Variants in DNAH14 observed in about 807,000 individuals in gnomAD.
The protein encoded by DNAH14 is axonemal beta dynein heavy chain 14.
DNAH14 carries 478 observed loss-of-function variants against 520.9 expected under a neutral mutation model. The ratio of observed to expected loss-of-function variants is 0.92; its 90% CI spans 0.85 to 0.99. The LOEUF is 0.99. DNAH14 is among the 50% of genes least tolerant of loss of function. The probability of loss-of-function intolerance (pLI) is 0.00; values close to 1 mark genes in which losing one functional copy is unlikely to be tolerated. For missense variants in DNAH14, 4,831 were observed against 5,234.5 expected, an observed-to-expected ratio of 0.92 and a Z score of 2.38; for synonymous variants, 1,581 against 1,757.2, an observed-to-expected ratio of 0.90 and a Z score of 2.51.
intron 37 of DNAH14, among the ~76,000 whole-genome samples, chr1:225,189,909 G>A (rs1228813669): frequency 6.6e-6 from 1 of 151,480 alleles, no homozygotes; most frequent in Non-Finnish European, 1.5e-5. Context: ...TGTAACATTT[G>A]GATTCCTTCT....
rs1202811050 is a variant in DNAH14, at chr1:225,392,352, C to A, written c.13392C>A (p.Leu4464=). Residue 4464 remains leucine, a synonymous_variant, in exon 84 of 86, where the codon CTC becomes CTA. Transcript: ENST00000682510. ...CCCGAGGAATCGCTGTGGATGCCCT[C>A]ACCTTCACCCACCATGTGATTTCCA... ...GRSRGIAVDA[L]TFTHHVISNT... is the part of the protein sequence containing the mutation. The A allele has an allele frequency of 1.9e-6, 3 of 1,552,222 alleles. No homozygotes were observed. In the African/African-American group the frequency reaches 4.1e-5, roughly 21 times the overall value.
At chr1:225,001,911 G>A (rs2063801522) in intron 8 of DNAH14, among the ~76,000 whole-genome samples, 1 of 151,566 alleles carries the variant, frequency 6.6e-6, no homozygotes, top group Non-Finnish European at 1.5e-5. Context: ...ATATAATTGG[G>A]GAGGGTTCTT....
intron 17 of DNAH14, among the ~76,000 whole-genome samples, chr1:225,054,078 G>A (rs115936152): frequency 0.025 from 3,785 of 152,258 alleles, 74 homozygotes; most frequent in Non-Finnish European, 0.036. Flanking sequence ...GCTCAGAGAC[G>A]TTAATGCCGG....
chr1:224,933,578 C>T (rs2058834063), intron 1 of DNAH14, among the ~76,000 whole-genome samples: 1 of 151,806 alleles, frequency 6.6e-6, no homozygotes, highest in African/African-American at 2.4e-5. Context: ...CCTATGTGGC[C>T]TTTGTTACTT....
intron 7 of DNAH14, among the ~76,000 whole-genome samples, chr1:224,972,876 A>T (rs1361171126): frequency 6.6e-6 from 1 of 152,212 alleles, no homozygotes; most frequent in Non-Finnish European, 1.5e-5. Flanking sequence ...TAAGCTGGTG[A>T]TGCCAGTACA....
intron 23 of DNAH14, among the ~76,000 whole-genome samples, chr1:225,106,765 C>G (rs2076089494): frequency 6.6e-6 from 1 of 152,098 alleles, no homozygotes; most frequent in Non-Finnish European, 1.5e-5. Flanking sequence ...ATTGGTTATT[C>G]TAGTTAGCCA....
intron 55 of DNAH14, 50 bp downstream of exon 55, chr1:225,290,132 C>CT: frequency 4.0e-6 from 5 of 1,240,454 alleles, no homozygotes; most frequent in Non-Finnish European, 5.2e-6. Context: ...ATCTATGTGG[C>CT]TACCCCCTCC....
At chr1:224,968,689 T>G in intron 6 of DNAH14, 70 bp from the exon 7 acceptor site, 1 of 994,910 alleles carries the variant, frequency 1.0e-6, no homozygotes, top group East Asian at 3.1e-5. Context: ...ATACAGGCTT[T>G]CTTAATTTCT....
intron 38 of DNAH14, among the ~76,000 whole-genome samples, chr1:225,198,747 T>G (rs2086457726): frequency 6.6e-6 from 1 of 152,190 alleles, no homozygotes; most frequent in South Asian, 2.1e-4. Flanking sequence ...TAGCTAGTAT[T>G]TTGTTAAAGA....
At chr1:225,340,914 A>G (rs1414527491) in intron 69 of DNAH14, among the ~76,000 whole-genome samples, 1 of 152,154 alleles carries the variant, frequency 6.6e-6, no homozygotes, top group Admixed American at 6.5e-5. Flanking sequence ...ATTGTGTTGT[A>G]GAACATTTGC....
chr1:225,116,832 A>C (rs920562008), intron 23 of DNAH14, among the ~76,000 whole-genome samples: 1 of 152,238 alleles, frequency 6.6e-6, no homozygotes, highest in Non-Finnish European at 1.5e-5. Flanking sequence ...GTCATGTAAC[A>C]CAAAGACTGA....
intron 23 of DNAH14, among the ~76,000 whole-genome samples, chr1:225,113,913 G>C (rs1272068380): frequency 6.6e-6 from 1 of 152,154 alleles, no homozygotes; most frequent in Non-Finnish European, 1.5e-5. Context: ...GTGCAGAAAT[G>C]CCATCCAAGA....
chr1:225,041,135 A>G (rs1341174844), intron 12 of DNAH14, among the ~76,000 whole-genome samples: 2 of 152,152 alleles, frequency 1.3e-5, no homozygotes, highest in Non-Finnish European at 2.9e-5. Context: ...GCCTAAATTT[A>G]TGTCCACTTT....
chr1:225,277,554 C>T, intron 54 of DNAH14, 52 bp downstream of exon 54: 1 of 461,202 alleles, frequency 2.2e-6, no homozygotes, highest in Non-Finnish European at 4.5e-6. Flanking sequence ...TAAAATAAAT[C>T]CCAATAAAAT....
chr1:225,052,610 A>G (rs1282439381), intron 17 of DNAH14, among the ~76,000 whole-genome samples: 1 of 152,214 alleles, frequency 6.6e-6, no homozygotes, highest in Non-Finnish European at 1.5e-5. Flanking sequence ...AATCTGGAAG[A>G]AAATGCTAGC....
intron 78 of DNAH14, 86 bp downstream of exon 78, chr1:225,374,971 T>C (rs2095677961): frequency 2.4e-6 from 3 of 1,257,422 alleles, no homozygotes; most frequent in East Asian, 2.6e-5. Context: ...TTTAAATAAA[T>C]TTTGATGTTC....
chr1:225,111,881 C>T (rs971186423), intron 23 of DNAH14, among the ~76,000 whole-genome samples: 1 of 152,060 alleles, frequency 6.6e-6, no homozygotes, highest in East Asian at 1.9e-4. Flanking sequence ...GACAACTTAA[C>T]ACTGATTGCA....
At chr1:225,153,171 C>T (rs1476348025) in intron 33 of DNAH14, among the ~76,000 whole-genome samples, 1 of 152,058 alleles carries the variant, frequency 6.6e-6, no homozygotes, top group African/African-American at 2.4e-5. Flanking sequence ...TTTTTCCATA[C>T]AAGGAAGTTA....
chr1:225,049,760 G>GTCTATCTACCTA (rs1553408659), intron 15 of DNAH14, among the ~76,000 whole-genome samples: 2 of 134,590 alleles, frequency 1.5e-5, no homozygotes, highest in Non-Finnish European at 3.2e-5. Context: ...TTATCTATCT[G>GTCTATCTACCTA]TCTATCTATC....
Sources: gnomAD v4.1 joint callset for allele counts (sites outside exome capture counted in the v4.1 genomes callset) on GRCh38, gnomAD v4.1.1 for gene constraint, MANE v1.5 for transcripts, NCBI Gene and HGNC (gene_info 2026-07-23, HGNC 2026-07-21) for gene names.